Variants in FGF12 observed in about 807,000 individuals in gnomAD.
The protein encoded by FGF12 is fibroblast growth factor 12, also known as fibroblast growth factor 12B.
Under a neutral mutation model 23.6 loss-of-function variants are expected in FGF12, and 14 were observed. The ratio of observed to expected loss-of-function variants is 0.59; its 90% CI spans 0.39 to 0.93. The LOEUF (loss-of-function observed/expected upper bound fraction) is 0.93. Among genes scored for constraint, FGF12 ranks in the 40% least tolerant of loss-of-function variants. FGF12 has a pLI of 0.00. For synonymous variants in FGF12, 62 were observed against 77.3 expected (o/e 0.80, Z 1.04); for missense variants, 175 against 217.8 (o/e 0.80, Z 1.24).
At chr3:192,527,045 C>T (rs1297671375) in intron 2 of FGF12, among the ~76,000 whole-genome samples, 1 of 152,136 alleles carries the variant, frequency 6.6e-6, no homozygotes. Context: ...GAAACTCAAT[C>T]CCCAAACATA....
At position 192,408,255 on chromosome 3, in the gene FGF12, T is replaced by C. The variant is rs750954902; in HGVS notation, c.14-47717A>G. 10 of 1,546,842 alleles carry C rather than the reference T, an allele frequency of 6.5e-6. No individual in the cohort carries two copies. In the Admixed American group the frequency reaches 1.9e-4, roughly 29 times the overall value. The stretch of plus-strand genomic sequence containing the variant: ...TCAGCGAGGGCCTCAGGCCCCAGCC[T>C]CTACTGCGCCCTCCGGCTTGCGCTC... On this transcript the variant is annotated intron_variant, in intron 2 of 5. Transcript: ENST00000445105. The surrounding 1 kb of genome is among the most constrained non-coding windows in gnomAD (Gnocchi z 7.3).
intron 2 of FGF12, among the ~76,000 whole-genome samples, chr3:192,454,240 G>A (rs1722611991): frequency 6.6e-6 from 1 of 152,044 alleles, no homozygotes; most frequent in Admixed American, 6.5e-5. Flanking sequence ...GGGTCTCACC[G>A]TGTTAGCCAG....
intron 4 of FGF12, among the ~76,000 whole-genome samples, chr3:192,188,826 G>A (rs1423528656): frequency 6.6e-6 from 1 of 152,196 alleles, no homozygotes; most frequent in Non-Finnish European, 1.5e-5. Flanking sequence ...GCTTTGAAAA[G>A]AACGTGGGTA....
intron 4 of FGF12, among the ~76,000 whole-genome samples, chr3:192,308,444 G>A (rs1037741878): frequency 6.6e-6 from 1 of 152,120 alleles, no homozygotes; most frequent in Non-Finnish European, 1.5e-5. Context: ...TTGGGAGGCC[G>A]AGGCGGGCAG....
intron 2 of FGF12, among the ~76,000 whole-genome samples, chr3:192,496,128 T>C (rs1159531718): frequency 6.6e-6 from 1 of 152,178 alleles, no homozygotes; most frequent in Non-Finnish European, 1.5e-5. Context: ...TCATTCTTAA[T>C]AGGAGAAATT....
intron 2 of FGF12, among the ~76,000 whole-genome samples, chr3:192,533,108 T>G (rs1206716928): frequency 1.3e-5 from 2 of 152,228 alleles, no homozygotes; most frequent in African/African-American, 4.8e-5. Context: ...CAACCAATTT[T>G]GATAAAAACT....
At chr3:192,258,449 C>T (rs1228871658) in intron 4 of FGF12, among the ~76,000 whole-genome samples, 3 of 152,044 alleles carry the variant, frequency 2.0e-5, no homozygotes, top group East Asian at 1.9e-4. Flanking sequence ...AGAGTGAGAC[C>T]CTTTCTCAAA....
At chr3:192,564,250 G>C (rs551837591) in intron 2 of FGF12, among the ~76,000 whole-genome samples, 2 of 152,184 alleles carry the variant, frequency 1.3e-5, no homozygotes, top group Admixed American at 1.3e-4. Flanking sequence ...TTTTAGTAGA[G>C]ACGGGGTTTC....
chr3:192,602,786 C>T (rs1714168605), intron 2 of FGF12, among the ~76,000 whole-genome samples: 1 of 151,176 alleles, frequency 6.6e-6, no homozygotes, highest in Non-Finnish European at 1.5e-5. Flanking sequence ...TGCAAAAATC[C>T]TCATCAAAAT....
intron 2 of FGF12, among the ~76,000 whole-genome samples, chr3:192,568,183 T>C (rs144667107): frequency 1.1e-4 from 16 of 152,288 alleles, no homozygotes; most frequent in African/African-American, 3.8e-4. Flanking sequence ...AGGGTCCACC[T>C]AGATAATTTG....
intron 2 of FGF12, among the ~76,000 whole-genome samples, chr3:192,450,977 T>C (rs1722504825): frequency 6.6e-6 from 1 of 152,164 alleles, no homozygotes; most frequent in Non-Finnish European, 1.5e-5. Context: ...TTGGCTAGTC[T>C]CCACTAACAA....
intron 2 of FGF12, among the ~76,000 whole-genome samples, chr3:192,628,919 A>G (rs1452681845): frequency 6.6e-6 from 1 of 151,918 alleles, no homozygotes. Flanking sequence ...TATTATTTTT[A>G]TTGGCCACTG....
intron 4 of FGF12, among the ~76,000 whole-genome samples, chr3:192,198,740 T>A (rs1288019896): frequency 6.6e-6 from 1 of 152,202 alleles, no homozygotes; most frequent in East Asian, 1.9e-4. Context: ...TGTAAATAAC[T>A]AAGGAATGTT....
At chr3:192,482,671 G>A (rs1461043777) in intron 2 of FGF12, among the ~76,000 whole-genome samples, 2 of 152,050 alleles carry the variant, frequency 1.3e-5, no homozygotes, top group African/African-American at 4.8e-5. Context: ...CATGGAGTAT[G>A]AATCTTGAGA....
intron 4 of FGF12, among the ~76,000 whole-genome samples, chr3:192,224,750 A>G (rs995078612): frequency 5.9e-5 from 9 of 152,130 alleles, no homozygotes; most frequent in African/African-American, 9.7e-5. Context: ...AGTGTCTGGC[A>G]TGATGTCAAT....
rs535676748 is a variant in FGF12, at chr3:192,328,348, C to A, written c.228+7013G>T. 3.9e-5 allele frequency among the ~76,000 whole-genome samples: 6 copies of A among 152,272 alleles called. No homozygotes were observed. The South Asian group carries it at 8.3e-4, about 21-fold the overall frequency. Reference sequence around the variant, plus strand: ...GTCAGAGGCTGGGATCAAGCACATGCGCAATGAATGAATCCTGCCTACGTA... The same window carrying A: ...GTCAGAGGCTGGGATCAAGCACATGAGCAATGAATGAATCCTGCCTACGTA... On this transcript the variant is annotated intron_variant, in intron 4 of 5. Transcript: ENST00000445105.
intron 2 of FGF12, among the ~76,000 whole-genome samples, chr3:192,656,070 C>T (rs950687147): frequency 2.7e-5 from 4 of 148,658 alleles, no homozygotes; most frequent in Non-Finnish European, 5.9e-5. Context: ...AAATTCTTTT[C>T]CTTGCAGTAC....
At chr3:192,378,082 CTT>C (rs779662972) in intron 2 of FGF12, among the ~76,000 whole-genome samples, 1 of 116,776 alleles carries the variant, frequency 8.6e-6, no homozygotes, top group Non-Finnish European at 1.7e-5. Context: ...TTCTTTCTTT[CTT>C]TCTTTCTTTC....
At chr3:192,538,331 C>T (rs938866684) in intron 2 of FGF12, among the ~76,000 whole-genome samples, 1 of 152,122 alleles carries the variant, frequency 6.6e-6, no homozygotes, top group African/African-American at 2.4e-5. Flanking sequence ...CATTCCGCTG[C>T]GTACAGATAT....
Sources: allele counts gnomAD v4.1 joint callset (sites outside exome capture counted in the v4.1 genomes callset), GRCh38; gene constraint gnomAD v4.1.1; non-coding constraint Gnocchi (gnomAD v3.1); transcripts MANE v1.5; gene names NCBI Gene and HGNC (gene_info 2026-07-23, HGNC 2026-07-21).